Variants in ARHGAP31 observed in about 807,000 individuals in gnomAD.
ARHGAP31 encodes the protein rho GTPase-activating protein 31.
Under a neutral mutation model 113.9 loss-of-function variants are expected in ARHGAP31, and 34 were observed. That is an observed-to-expected ratio of 0.30 (90% CI 0.23 to 0.40). The LOEUF (loss-of-function observed/expected upper bound fraction) is 0.40. ARHGAP31 is among the 10% of genes least tolerant of loss of function. ARHGAP31 has a pLI of 1.00. For synonymous variants in ARHGAP31, 650 were observed against 684.8 expected (o/e 0.95, Z 0.79); for missense variants, 1,548 against 1,767.1 (o/e 0.88, Z 2.22).
intron 1 of ARHGAP31, among the ~76,000 whole-genome samples, chr3:119,326,455 T>C (rs2079844786): frequency 6.6e-6 from 1 of 151,720 alleles, no homozygotes; most frequent in South Asian, 2.1e-4. Flanking sequence ...GCTTTGGACA[T>C]TGTGTAAGAT....
chr3:119,325,961 C>T (rs958712874), intron 1 of ARHGAP31, among the ~76,000 whole-genome samples: 1 of 152,086 alleles, frequency 6.6e-6, no homozygotes, highest in Non-Finnish European at 1.5e-5. Flanking sequence ...GAGGCTGAGG[C>T]GGGTGGATCA....
intron 4 of ARHGAP31, among the ~76,000 whole-genome samples, chr3:119,381,859 G>A (rs1258997884): frequency 3.3e-5 from 5 of 152,144 alleles, no homozygotes; most frequent in African/African-American, 7.2e-5. Context: ...GGTGGCGGGC[G>A]CCTTTAGTTC....
At chr3:119,390,456 CATT>C (rs57707258) in intron 6 of ARHGAP31, among the ~76,000 whole-genome samples, 24,699 of 152,122 alleles carry the variant, frequency 0.16, 2,034 homozygotes, top group East Asian at 0.28. Context: ...AGTAAAGACT[CATT>C]GTTGTCACTC....
intron 1 of ARHGAP31, among the ~76,000 whole-genome samples, chr3:119,302,760 A>T (rs534233062): frequency 6.6e-6 from 1 of 152,268 alleles, no homozygotes; most frequent in Non-Finnish European, 1.5e-5. Context: ...CATGAACCAC[A>T]TATCTTAGGA....
chr3:119,342,284 A>C (rs1236031408), intron 1 of ARHGAP31, among the ~76,000 whole-genome samples: 24 of 152,254 alleles, frequency 1.6e-4, no homozygotes, highest in Admixed American at 1.6e-3. Context: ...GCTTTGCTAA[A>C]AACAGACTGA....
At position 119,414,318 on chromosome 3, in the gene ARHGAP31, G is replaced by C. The variant is rs746128984; in HGVS notation, c.2389G>C (p.Val797Leu). 1.9e-6 allele frequency: 3 copies of C among 1,614,174 alleles called. No homozygotes were observed. Among genetic ancestry groups the C allele is most frequent in the South Asian group, 2.2e-5 (2 of 91,088 alleles). ...PPTPLEESTP[V>L]LLSKGGPERE... ...AACTCCTCTGGAGGAGTCAACTCCA[G>C]TCCTGCTTTCAAAGGGCGGCCCGGA... Residue 797 changes from valine to leucine, a missense_variant, in exon 12 of 12, where the codon GTC (valine) becomes CTC (leucine). Coordinates refer to ENST00000264245, the MANE Select transcript of ARHGAP31 (RefSeq NM_020754.4).
At chr3:119,304,036 C>A (rs1429484986) in intron 1 of ARHGAP31, among the ~76,000 whole-genome samples, 1 of 152,070 alleles carries the variant, frequency 6.6e-6, no homozygotes, top group African/African-American at 2.4e-5. Flanking sequence ...CCTCGTGATC[C>A]GCCTGCCTCA....
chr3:119,404,249 T>G (rs2080641407), intron 10 of ARHGAP31, among the ~76,000 whole-genome samples: 1 of 152,212 alleles, frequency 6.6e-6, no homozygotes, highest in Non-Finnish European at 1.5e-5. Flanking sequence ...ATGGGGTCTT[T>G]TAGAGACAGT....
intron 1 of ARHGAP31, among the ~76,000 whole-genome samples, chr3:119,353,308 A>G (rs1008523876): frequency 6.6e-6 from 1 of 152,068 alleles, no homozygotes; most frequent in African/African-American, 2.4e-5. Flanking sequence ...TGACTTCCCC[A>G]CCAGCTGTAA....
chr3:119,343,004 T>C (rs1313912305), intron 1 of ARHGAP31, among the ~76,000 whole-genome samples: 1 of 152,068 alleles, frequency 6.6e-6, no homozygotes, highest in African/African-American at 2.4e-5. Context: ...GAAATTAGCA[T>C]CCATGAACTA....
At chr3:119,340,908 G>A in intron 1 of ARHGAP31, among the ~76,000 whole-genome samples, 1 of 152,126 alleles carries the variant, frequency 6.6e-6, no homozygotes, top group East Asian at 1.9e-4. Context: ...CAAAACACAA[G>A]ATCACTTTAA....
At chr3:119,376,508 A>G (rs2080350174) in intron 3 of ARHGAP31, among the ~76,000 whole-genome samples, 1 of 152,114 alleles carries the variant, frequency 6.6e-6, no homozygotes, top group Non-Finnish European at 1.5e-5. Flanking sequence ...ATGTCCCCTA[A>G]GCAAGTTCAG....
At chr3:119,380,114 C>A (rs1559985557) in intron 3 of ARHGAP31, among the ~76,000 whole-genome samples, 1 of 152,192 alleles carries the variant, frequency 6.6e-6, no homozygotes, top group Non-Finnish European at 1.5e-5. Flanking sequence ...GATGGGGGAA[C>A]AAAATACCCA....
intron 1 of ARHGAP31, among the ~76,000 whole-genome samples, chr3:119,323,383 C>T (rs1469673569): frequency 6.6e-6 from 1 of 152,240 alleles, no homozygotes; most frequent in Non-Finnish European, 1.5e-5. Context: ...GGGCTGCGGC[C>T]ACACCCCGCC....
At position 119,365,310 on chromosome 3, in the gene ARHGAP31, A is replaced by G. The variant is rs766966306; in HGVS notation, c.101-6A>G. The G allele has an allele frequency of 3.1e-6, 5 of 1,611,504 alleles. No individual in the cohort carries two copies. The highest frequency in any genetic ancestry group is 1.1e-5 in the South Asian group (1 of 91,036). On this transcript the variant is annotated splice_region_variant and splice_polypyrimidine_tract_variant and intron_variant, in intron 1 of 11. Transcript: ENST00000264245. Reference sequence around the variant, plus strand: ...CTTAATTGTTTTTTTCTTTTCTTTTACATAGTTCCATACGTTTTGAAGAGC... The same window carrying G: ...CTTAATTGTTTTTTTCTTTTCTTTTGCATAGTTCCATACGTTTTGAAGAGC...
intron 1 of ARHGAP31, among the ~76,000 whole-genome samples, chr3:119,306,402 C>T (rs1308972682): frequency 1.3e-5 from 2 of 152,014 alleles, no homozygotes; most frequent in African/African-American, 2.4e-5. Context: ...AAAAAAATTA[C>T]AAAAATTAGC....
chr3:119,382,947 G>A (rs914572726), intron 5 of ARHGAP31, 137 bp from the exon 6 acceptor site: 1 of 1,156,884 alleles, frequency 8.6e-7, no homozygotes, highest in Admixed American at 1.9e-5. Flanking sequence ...CCTTTAATTG[G>A]CCCTAAATAA....
chr3:119,397,638 C>T (rs2080564132), intron 8 of ARHGAP31, among the ~76,000 whole-genome samples: 1 of 152,192 alleles, frequency 6.6e-6, no homozygotes, highest in African/African-American at 2.4e-5. Context: ...CAGTGGGCCC[C>T]AGAAAGAGAG....
rs558458899 is a variant in ARHGAP31, at chr3:119,335,966, A to C, written c.101-29350A>C. Among the ~76,000 whole-genome samples, 9 of 152,332 alleles carry C rather than the reference A, an allele frequency of 5.9e-5. No homozygotes were observed. In the East Asian group the frequency reaches 1.7e-3, roughly 29 times the overall value. ...GGTGTGCGGATCACTTGAGGTCAGG[A>C]GGTCGAGACCAGCCTAGACATCATG... On this transcript the variant is annotated intron_variant, in intron 1 of 11. Coordinates refer to ENST00000264245, the MANE Select transcript of ARHGAP31 (RefSeq NM_020754.4).
Sources: allele counts gnomAD v4.1 joint callset (sites outside exome capture counted in the v4.1 genomes callset), GRCh38; gene constraint gnomAD v4.1.1; transcripts MANE v1.5; gene names NCBI Gene and HGNC (gene_info 2026-07-23, HGNC 2026-07-21).